Variants in FZD4 observed in about 807,000 individuals in gnomAD.
FZD4 encodes the protein frizzled class receptor 4, also known as frizzled-4.
Under a neutral mutation model 37.3 loss-of-function variants are expected in FZD4, and 16 were observed. The ratio of observed to expected loss-of-function variants is 0.43; its 90% CI spans 0.29 to 0.65. The LOEUF (loss-of-function observed/expected upper bound fraction) is 0.65, where lower values mean the gene tolerates loss of function less well. FZD4 is among the 30% of genes least tolerant of loss of function. The pLI is 0.16. For missense variants in FZD4, 599 were observed against 674.3 expected (o/e 0.89, Z 1.24); for synonymous variants, 246 against 254.8 (o/e 0.97, Z 0.33).
chr11:86,950,766 C>T lies in FZD4; in HGVS notation c.*376G>A, dbSNP rs1949283480. On this transcript the variant is annotated 3_prime_UTR_variant, in exon 2 of 2. Transcript: ENST00000531380. ...TAAAGGGTTAAAAAAGTTAATATTT[C>T]TCCCTGCTAGTTACCAACTCACAGC... 1 of 293,906 alleles carries T rather than the reference C, an allele frequency of 3.4e-6. No individual in the cohort carries two copies. Among genetic ancestry groups the T allele is most frequent in the Non-Finnish European group, 6.5e-6 (1 of 154,532 alleles). 18.2% of individuals were successfully genotyped at this position (293,906 alleles called of 1,614,324 possible). A position where few individuals can be genotyped will look rare whatever the true frequency, so the allele number is the denominator to read the frequency against.
intron 1 of FZD4, 50 bp from the exon 2 acceptor site, chr11:86,952,520 GT>G (rs762249754): frequency 6.3e-7 from 1 of 1,596,834 alleles, no homozygotes; most frequent in Admixed American, 1.7e-5. Flanking sequence ...TGACTTGGAA[GT>G]TTGACCAAAT....
At position 86,954,982 on chromosome 11, in the gene FZD4, C is replaced by G; in HGVS notation, c.104G>C (p.Arg35Pro). The G allele has an allele frequency of 6.2e-7, 1 of 1,613,010 alleles. No homozygotes were observed. The highest frequency in any genetic ancestry group is 8.5e-7 in the Non-Finnish European group (1 of 1,179,804). ...CCGCTCTTCCTCGTCCCCGAAGCCCCGCGCCGGCCCCAGGAGCAGCAGCAA... is the reference window on the plus strand; with the variant it reads ...CCGCTCTTCCTCGTCCCCGAAGCCCGGCGCCGGCCCCAGGAGCAGCAGCAA... ...LQLLLLLGPARGFGDEEERRC... is the reference protein window; with the variant it reads ...LQLLLLLGPAPGFGDEEERRC... The change falls in exon 1 of 2, where the codon CGG (arginine) becomes CCG (proline). Residue 35 changes from arginine (R) to proline (P), a missense_variant. Coordinates refer to ENST00000531380, the MANE Select transcript of FZD4 (RefSeq NM_012193.4).
chr11:86,954,972 C>T lies in FZD4; in HGVS notation c.114G>A (p.Gly38=). ...LLLLGPARGF[G]DEEERRCDPI... is the part of the protein sequence containing the mutation. ...GGTCGCAGCGCCGCTCTTCCTCGTC[C>T]CCGAAGCCCCGCGCCGGCCCCAGGA... Residue 38 remains glycine, a synonymous_variant, in exon 1 of 2, where the codon GGG becomes GGA. Coordinates refer to ENST00000531380, the MANE Select transcript of FZD4 (RefSeq NM_012193.4). The T allele has an allele frequency of 2.5e-6, 4 of 1,613,294 alleles. No individual in the cohort carries two copies. Among genetic ancestry groups the T allele is most frequent in the South Asian group, 1.1e-5 (1 of 91,078 alleles).
At chr11:86,954,686 C>A in intron 1 of FZD4, 115 bp downstream of exon 1, 1 of 1,444,408 alleles carries the variant, frequency 6.9e-7, no homozygotes, top group African/African-American at 1.4e-5. Context: ...ATCACTTTTC[C>A]AGGAGAGCTG....
chr11:86,955,011 C>T lies in FZD4; in HGVS notation c.75G>A (p.Leu25=). Residue 25 remains leucine, a synonymous_variant, in exon 1 of 2, where the codon CTG becomes CTA. Transcript: ENST00000531380. The stretch of plus-strand genomic sequence containing the variant: ...CCGGCCCCAGGAGCAGCAGCAACTG[C>T]AGGAGCAACCCCAGACTGAGACCGA... The part of the protein sequence containing the change: ...GGVGLSLGLL[L]QLLLLLGPAR... The T allele has an allele frequency of 1.2e-6, 2 of 1,612,786 alleles. No homozygotes were observed. Among genetic ancestry groups the T allele is most frequent in the Non-Finnish European group, 1.7e-6 (2 of 1,179,692 alleles).
Position 86,955,113 on chromosome 11 carries a change from C to A in FZD4, c.-28G>T, listed in dbSNP as rs1315666390. ...CCAGCATCGGGGGTAGCAGCGGCAG[C>A]GGCTGGGGCTGCTCTGGCAGACACC... On this transcript the variant is annotated 5_prime_UTR_variant, in exon 1 of 2. Coordinates refer to ENST00000531380, the MANE Select transcript of FZD4 (RefSeq NM_012193.4). 2.8e-6 allele frequency: 4 copies of A among 1,447,526 alleles called. No individual in the cohort carries two copies. Among genetic ancestry groups the A allele is most frequent in the Non-Finnish European group, 3.6e-6 (4 of 1,104,876 alleles). 89.7% of individuals were successfully genotyped at this position (1,447,526 alleles called of 1,614,324 possible).
Position 86,950,839 on chromosome 11 carries a change from G to A in FZD4, c.*303C>T, listed in dbSNP as rs1949284136. On this transcript the variant is annotated 3_prime_UTR_variant, in exon 2 of 2. Transcript: ENST00000531380. ...AAACAGTATCGCCCTGGACTTCCTGGAATCTAGGCAGGACCTCCACGCTCC... is the reference window on the plus strand; with the variant it reads ...AAACAGTATCGCCCTGGACTTCCTGAAATCTAGGCAGGACCTCCACGCTCC... 6 of 453,066 alleles carry A rather than the reference G, an allele frequency of 1.3e-5. No individual in the cohort carries two copies. Among genetic ancestry groups the A allele is most frequent in the Non-Finnish European group, 2.4e-5 (6 of 246,124 alleles). The allele number at this position is 453,066 out of a possible 1,614,324, so 28.1% of individuals were successfully genotyped here.
In FZD4 at chr11:86,951,082, T is replaced by C. The variant is rs1949286116; in HGVS notation, c.*60A>G. 6.4e-7 allele frequency: 1 copy of C among 1,568,118 alleles called. No individual in the cohort carries two copies. Among genetic ancestry groups the C allele is most frequent in the African/African-American group, 1.4e-5 (1 of 74,066 alleles). The stretch of plus-strand genomic sequence containing the variant: ...ACTGCATAAAACTTTTAGTAGAATT[T>C]CCTCCAAAATGCTGGCATTCCCCCC... On this transcript the variant is annotated 3_prime_UTR_variant, in exon 2 of 2. Transcript: ENST00000531380.
chr11:86,951,821 A>G lies in FZD4; in HGVS notation c.935T>C (p.Phe312Ser), dbSNP rs897514084. The G allele has an allele frequency of 6.2e-7, 1 of 1,613,850 alleles. No individual in the cohort carries two copies. The highest frequency in any genetic ancestry group is 1.3e-5 in the African/African-American group (1 of 74,924). The change falls in exon 2 of 2, where the codon TTT becomes TCT. Residue 312 changes from phenylalanine to serine, a missense_variant. By Grantham distance (155) the Phe-to-Ser change is radical. This residue lies in a region of FZD4 where 39 missense variants were observed against 81.4 expected (regional missense o/e 0.48). Transcript: ENST00000531380. ...CAIIFLLMYF[F>S]GMASSIWWVI... ...CCACCAAATGGAGCTGGCCATTCCA[A>G]AAAAGTACATCAGCAAGAAAATTAT... is the stretch of plus-strand genomic sequence containing the variant.
chr11:86,954,342 G>A lies in FZD4; in HGVS notation c.285+459C>T, dbSNP rs1053583842. 18 of 985,162 alleles carry A rather than the reference G, an allele frequency of 1.8e-5. No homozygotes were observed. In the African/African-American group the frequency reaches 3.1e-4, roughly 17 times the overall value. 61.0% of individuals were successfully genotyped at this position (985,162 alleles called of 1,614,324 possible). ...ACGCTGCGGGACGTCGTGAGAAGGG[G>A]CTATTCAGCAGAAAAAGGTGCAGTA... is the stretch of plus-strand genomic sequence containing the variant. On this transcript the variant is annotated intron_variant, in intron 1 of 1. Transcript: ENST00000531380.
rs762806341 is a variant in FZD4, at chr11:86,949,239, G to A, written c.*1903C>T. On this transcript the variant is annotated 3_prime_UTR_variant, in exon 2 of 2. Transcript: ENST00000531380. ...TTTACATGCATCTTGATGTCAGAGA[G>A]CTCAAGAACCACACAAAAACAAAAA... The A allele has an allele frequency of 6.6e-6, 1 of 151,972 alleles. No individual in the cohort carries two copies. The highest frequency in any genetic ancestry group is 2.4e-5 in the African/African-American group (1 of 41,368). 9.4% of individuals were successfully genotyped at this position (151,972 alleles called of 1,614,324 possible).
intron 1 of FZD4, chr11:86,952,711 TAAATA>T: frequency 2.3e-6 from 1 of 426,746 alleles, no homozygotes. Flanking sequence ...CATAAATAAA[TAAATA>T]AAATAAATAG....
rs1024301593 is a variant in FZD4 at position 86,951,535 on chromosome 11, A to G, written c.1221T>C (p.Ala407=). 15 of 1,614,190 alleles carry G rather than the reference A, an allele frequency of 9.3e-6. No individual in the cohort carries two copies. The highest frequency in any genetic ancestry group is 1.2e-5 in the Non-Finnish European group (14 of 1,180,016). Residue 407 remains alanine, a synonymous_variant, in exon 2 of 2, where the codon GCT becomes GCC. Transcript: ENST00000531380. Reference sequence around the variant, plus strand: ...TTTTGAACAAGGCCACCAAACCTGCAGCAATGAACAAAGTTCCAATGACCA... The same window carrying G: ...TTTTGAACAAGGCCACCAAACCTGCGGCAATGAACAAAGTTCCAATGACCA... ...TYLVIGTLFI[A]AGLVALFKIR...
chr11:86,953,407 G>A (rs778416180), intron 1 of FZD4, among the ~76,000 whole-genome samples: 13 of 152,160 alleles, frequency 8.5e-5, no homozygotes, highest in Non-Finnish European at 1.9e-4. Context: ...GAGAGCTGGA[G>A]GATCATTTCT....
rs1339100370 is a variant in FZD4, at chr11:86,947,235, A to C, written c.*3907T>G. 1 of 171,020 alleles carries C rather than the reference A, an allele frequency of 5.8e-6. No homozygotes were observed. The highest frequency in any genetic ancestry group is 2.4e-5 in the African/African-American group (1 of 41,322). The allele number at this position is 171,020 out of a possible 1,614,324, so 10.6% of individuals were successfully genotyped here. On this transcript the variant is annotated 3_prime_UTR_variant, in exon 2 of 2. Coordinates refer to ENST00000531380, the MANE Select transcript of FZD4 (RefSeq NM_012193.4). ...CAAACAAACAAACAAACAAACAAAC[A>C]ACAAAAAAAAGGTTCCTTCCAAAGT...
In FZD4 at chr11:86,950,892, G is replaced by A. The variant is rs1217216201; in HGVS notation, c.*250C>T. Reference sequence around the variant, plus strand: ...GCTGCAACCTGCTAAAGTGATCAACGTTTTGATTTTTCACAGCTTTGAAAG... The same window carrying A: ...GCTGCAACCTGCTAAAGTGATCAACATTTTGATTTTTCACAGCTTTGAAAG... On this transcript the variant is annotated 3_prime_UTR_variant, in exon 2 of 2. Transcript: ENST00000531380. 27 of 564,462 alleles carry A rather than the reference G, an allele frequency of 4.8e-5. No individual in the cohort carries two copies. Among genetic ancestry groups the A allele is most frequent in the Middle Eastern group, 4.8e-4 (1 of 2,080 alleles). The allele number at this position is 564,462 out of a possible 1,614,324, so 35.0% of individuals were successfully genotyped here.
At position 86,955,099 on chromosome 11, in the gene FZD4, G is replaced by A; in HGVS notation, c.-14C>T. ...CCGCCAGGCCATGGCCAGCATCGGG[G>A]GTAGCAGCGGCAGCGGCTGGGGCTG... On this transcript the variant is annotated 5_prime_UTR_variant, in exon 1 of 2. Transcript: ENST00000531380. 1.4e-6 allele frequency: 2 copies of A among 1,480,228 alleles called. No homozygotes were observed. The highest frequency in any genetic ancestry group is 1.4e-5 in the African/African-American group (1 of 70,758). 91.7% of individuals were successfully genotyped at this position (1,480,228 alleles called of 1,614,324 possible). A position where few individuals can be genotyped will look rare whatever the true frequency, so the allele number is the denominator to read the frequency against.
chr11:86,955,097 G>A lies in FZD4; in HGVS notation c.-12C>T. ...CCCCGCCAGGCCATGGCCAGCATCG[G>A]GGGTAGCAGCGGCAGCGGCTGGGGC... is the stretch of plus-strand genomic sequence containing the variant. On this transcript the variant is annotated 5_prime_UTR_variant, in exon 1 of 2. Transcript: ENST00000531380. 6.7e-7 allele frequency: 1 copy of A among 1,486,710 alleles called. No homozygotes were observed. The highest frequency in any genetic ancestry group is 8.9e-7 in the Non-Finnish European group (1 of 1,124,434). The allele number at this position is 1,486,710 out of a possible 1,614,324, so 92.1% of individuals were successfully genotyped here. A position where few individuals can be genotyped will look rare whatever the true frequency, so the allele number is the denominator to read the frequency against.
At position 86,954,911 on chromosome 11, in the gene FZD4, T is replaced by C; in HGVS notation, c.175A>G (p.Asn59Asp). The change falls in exon 1 of 2, where the codon AAC becomes GAC. Residue 59 changes from asparagine (N) to aspartate (D), a missense_variant. Physicochemically the swap from Asn to Asp is conservative, Grantham distance 23. Coordinates refer to ENST00000531380, the MANE Select transcript of FZD4 (RefSeq NM_012193.4). ...ACCAGGTTGGGCATCTTGGTCACGT[T>C]GTAGCCGAGGTTCTGGCACATGGAG... is the stretch of plus-strand genomic sequence containing the variant. ...RISMCQNLGY[N>D]VTKMPNLVGH... The C allele has an allele frequency of 1.2e-6, 2 of 1,613,588 alleles. No homozygotes were observed. The highest frequency in any genetic ancestry group is 8.5e-7 in the Non-Finnish European group (1 of 1,179,848).
Sources: gnomAD v4.1 joint callset for allele counts (sites outside exome capture counted in the v4.1 genomes callset) on GRCh38, gnomAD v4.1.1 for gene constraint, gnomAD v4.1.1 regional missense constraint, MANE v1.5 for transcripts, NCBI Gene and HGNC (gene_info 2026-07-23, HGNC 2026-07-21) for gene names.